The following LINGO1 variants were observed in gnomAD, a reference collection of about 807,000 sequenced individuals.
LINGO1 encodes the protein leucine-rich repeat and immunoglobulin-like domain-containing nogo receptor-interacting protein 1.
Under a neutral mutation model 37.3 loss-of-function variants are expected in LINGO1, and 11 were observed. The observed-to-expected ratio is 0.29, with a 90% CI of 0.19 to 0.49. The LOEUF is 0.49. Among genes scored for constraint, LINGO1 ranks in the 20% least tolerant of loss-of-function variants. The pLI is 0.99. For missense variants in LINGO1, 585 were observed against 878.2 expected, an observed-to-expected ratio of 0.67 and a Z score of 4.22; for synonymous variants, 387 against 403.0, an observed-to-expected ratio of 0.96 and a Z score of 0.48.
At chr15:77,747,853 C>G (rs1389370818) in intron 1 of LINGO1, among the ~76,000 whole-genome samples, 1 of 150,342 alleles carries the variant, frequency 6.7e-6, no homozygotes, top group East Asian at 2.0e-4. Flanking sequence ...TACCCTCAGT[C>G]ATTACCCACC....
chr15:77,756,905 C>T (rs2076425711), intron 1 of LINGO1, among the ~76,000 whole-genome samples: 1 of 152,236 alleles, frequency 6.6e-6, no homozygotes, highest in African/African-American at 2.4e-5. Flanking sequence ...TCCATGTTCA[C>T]ACACTCATCC....
intron 2 of LINGO1, among the ~76,000 whole-genome samples, chr15:77,683,973 C>T (rs1050545318): frequency 6.6e-6 from 1 of 152,196 alleles, no homozygotes; most frequent in Non-Finnish European, 1.5e-5. Context: ...CCTTTTCCAG[C>T]CTTACCTTAA....
chr15:77,760,200 G>A (rs1174358067), intron 1 of LINGO1, among the ~76,000 whole-genome samples: 4 of 152,202 alleles, frequency 2.6e-5, no homozygotes, highest in Admixed American at 2.6e-4. Flanking sequence ...GCCTGCCGGG[G>A]TTGGGGTAGG....
At chr15:77,633,966 T>A (rs572166257), upstream of LINGO1, among the ~76,000 whole-genome samples, 1 of 152,222 alleles carries the variant, frequency 6.6e-6, no homozygotes, top group African/African-American at 2.4e-5. Flanking sequence ...AGAATAACCA[T>A]CAATGCTGAC....
intron 3 of LINGO1, among the ~76,000 whole-genome samples, chr15:77,644,315 C>T (rs895144346): frequency 3.3e-5 from 5 of 152,196 alleles, no homozygotes; most frequent in Admixed American, 1.3e-4. Context: ...GCCGGAGGAG[C>T]CACAGCTGTA....
At chr15:77,749,829 G>T (rs918259641) in intron 1 of LINGO1, among the ~76,000 whole-genome samples, 1 of 152,200 alleles carries the variant, frequency 6.6e-6, no homozygotes. Flanking sequence ...GGCATGTCTG[G>T]AGCCCAAGGG....
chr15:77,638,288 T>A (rs553564090), upstream of LINGO1, among the ~76,000 whole-genome samples: 14 of 118,748 alleles, frequency 1.2e-4, no homozygotes, highest in Non-Finnish European at 1.6e-4. Flanking sequence ...CCCGCCGAAG[T>A]TCCCCCCAGG....
At chr15:77,664,801 C>T (rs1047714560) in intron 3 of LINGO1, among the ~76,000 whole-genome samples, 16 of 152,200 alleles carry the variant, frequency 1.1e-4, no homozygotes, top group Non-Finnish European at 2.1e-4. Flanking sequence ...CAGCAAGTTC[C>T]GGAGCATCTG....
chr15:77,650,853 A>G (rs1348178816), intron 3 of LINGO1, among the ~76,000 whole-genome samples: 1 of 151,944 alleles, frequency 6.6e-6, no homozygotes, highest in Non-Finnish European at 1.5e-5. Flanking sequence ...TATGGGAAAG[A>G]GAGGGTGGGA....
chr15:77,680,120 TTG>T (rs2075389754), intron 2 of LINGO1, among the ~76,000 whole-genome samples: 1 of 152,202 alleles, frequency 6.6e-6, no homozygotes, highest in African/African-American at 2.4e-5. Flanking sequence ...GACCTCATCA[TTG>T]TCTCTTCTCT....
intron 1 of LINGO1, among the ~76,000 whole-genome samples, chr15:77,770,414 C>A (rs1157297472): frequency 3.3e-5 from 5 of 152,038 alleles, no homozygotes; most frequent in African/African-American, 1.2e-4. Flanking sequence ...ATGGAGAAAT[C>A]CCGTCTCTAC....
chr15:77,691,908 A>G (rs114816192), intron 1 of LINGO1, among the ~76,000 whole-genome samples: 1,789 of 152,000 alleles, frequency 0.012, 43 homozygotes, highest in African/African-American at 0.04. Flanking sequence ...CCCATCTGTC[A>G]CCCCCACCCA....
At chr15:77,692,498 G>C (rs374225323) in intron 1 of LINGO1, among the ~76,000 whole-genome samples, 34 of 152,292 alleles carry the variant, frequency 2.2e-4, no homozygotes, top group African/African-American at 7.7e-4. Context: ...GTAAAATAAA[G>C]GTAGCAAGGA....
upstream of LINGO1, among the ~76,000 whole-genome samples, chr15:77,638,347 T>C (rs750943732): frequency 6.6e-6 from 1 of 152,194 alleles, no homozygotes; most frequent in Non-Finnish European, 1.5e-5. Flanking sequence ...TGCAGTTAGC[T>C]GTTCTTAAGA....
chr15:77,779,112 C>A (rs2076689963), intron 1 of LINGO1, among the ~76,000 whole-genome samples: 6 of 152,178 alleles, frequency 3.9e-5, no homozygotes, highest in Admixed American at 3.9e-4. Context: ...CTGACCTCAA[C>A]ACCCCACTTT....
chr15:77,701,032 C>G (rs1160661572), upstream of LINGO1, among the ~76,000 whole-genome samples: 3 of 152,196 alleles, frequency 2.0e-5, no homozygotes, highest in Non-Finnish European at 4.4e-5. Flanking sequence ...TACACTGAAA[C>G]CACACACTGT....
upstream of LINGO1, among the ~76,000 whole-genome samples, chr15:77,634,589 G>T (rs1416888877): frequency 6.6e-6 from 1 of 152,198 alleles, no homozygotes; most frequent in African/African-American, 2.4e-5. Flanking sequence ...AACTGGACTC[G>T]TCTTCTATGG....
upstream of LINGO1, among the ~76,000 whole-genome samples, chr15:77,791,670 T>G (rs944715338): frequency 6.6e-6 from 1 of 152,014 alleles, no homozygotes; most frequent in East Asian, 1.9e-4. Flanking sequence ...TCCCCACTAG[T>G]AGGGCTCAGA....
At chr15:77,689,593 C>A (rs2075568918) in intron 2 of LINGO1, among the ~76,000 whole-genome samples, 1 of 152,196 alleles carries the variant, frequency 6.6e-6, no homozygotes, top group Non-Finnish European at 1.5e-5. Flanking sequence ...AAAGCCCGAC[C>A]TCCATGTGGG....
Sources: gnomAD v4.1 joint callset for allele counts (sites outside exome capture counted in the v4.1 genomes callset) on GRCh38, gnomAD v4.1.1 for gene constraint, MANE v1.5 for transcripts, NCBI Gene and HGNC (gene_info 2026-07-23, HGNC 2026-07-21) for gene names.